The following ACTR8 variants were observed in gnomAD, a reference collection of about 807,000 sequenced individuals.
ACTR8 encodes the protein actin related protein 8.
A neutral mutation model predicts 84.3 loss-of-function variants in ACTR8; 70 were observed. The observed-to-expected ratio is 0.83, with a 90% CI of 0.68 to 1.01. ACTR8 has a LOEUF of 1.01. ACTR8 is among the 50% of genes least tolerant of loss of function. The pLI, the probability that ACTR8 is intolerant of heterozygous loss-of-function variation, is 0.00. For missense variants in ACTR8, 672 were observed against 775.4 expected, an observed-to-expected ratio of 0.87 and a Z score of 1.58; for synonymous variants, 268 against 275.2, an observed-to-expected ratio of 0.97 and a Z score of 0.26.
downstream of ACTR8, chr3:53,865,215 C>T (rs1699743374): frequency 6.2e-7 from 1 of 1,613,934 alleles, no homozygotes; most frequent in African/African-American, 1.3e-5. Flanking sequence ...TGAAGGATGC[C>T]ACTGCTTTCT....
In ACTR8 at chr3:53,872,453, T is replaced by C. The variant is rs765203812; in HGVS notation, c.1233A>G (p.Arg411=). Residue 411 remains arginine (R), a synonymous_variant, in exon 10 of 13, where the codon AGA becomes AGG. Transcript: ENST00000335754. ...GAGGATCCTCAGGATCGCCCTGAGA[T>C]CTGTGCTGCAAAGTCGTCATTTTCT... The part of the protein sequence containing the change: ...VGQKMTTLQH[R]SQGDPEDPHD... 1.2e-6 allele frequency: 2 copies of C among 1,611,800 alleles called. No homozygotes were observed. The highest frequency in any genetic ancestry group is 1.7e-6 in the Non-Finnish European group (2 of 1,179,208).
chr3:53,864,814 C>T, downstream of ACTR8: 1 of 1,614,052 alleles, frequency 6.2e-7, no homozygotes, highest in Non-Finnish European at 8.5e-7. Flanking sequence ...TGTGGTTTAC[C>T]CATCTGAAAT....
At chr3:53,881,739 TGCGGGAGATC>T in intron 1 of ACTR8, 1 of 615,158 alleles carries the variant, frequency 1.6e-6, no homozygotes, top group South Asian at 2.0e-5. Context: ...CGGTGGGGCG[TGCGGGAGATC>T]GGAGCGGTGT....
the ACTR8 span, chr3:53,861,628 G>A: frequency 6.6e-6 from 1 of 152,196 alleles, no homozygotes; most frequent in African/African-American, 2.4e-5. Context: ...AAAGGAAGGT[G>A]AAGCATCTAA....
At chr3:53,881,441 T>C (rs1700058073) in intron 1 of ACTR8, among the ~76,000 whole-genome samples, 1 of 152,224 alleles carries the variant, frequency 6.6e-6, no homozygotes, top group African/African-American at 2.4e-5. Context: ...TTGTTTTTGA[T>C]ACACAAGCTC....
Position 53,867,362 on chromosome 3 carries a change from A to G in ACTR8, c.*1357T>C, listed in dbSNP as rs1055656762. 1.3e-5 allele frequency: 2 copies of G among 152,220 alleles called. No homozygotes were observed. Among genetic ancestry groups the G allele is most frequent in the Admixed American group, 1.3e-4 (2 of 15,284 alleles). The allele number at this position is 152,220 out of a possible 1,614,324, so 9.4% of individuals were successfully genotyped here. ...TGTTAACAAATTTAAAAAATAAAAC[A>G]TACAATTTTCAAATTGAAGGCACAC... On this transcript the variant is annotated 3_prime_UTR_variant, in exon 13 of 13. Transcript: ENST00000335754.
At chr3:53,879,904 C>T in intron 2 of ACTR8, 35 bp downstream of exon 2, 1 of 1,582,270 alleles carries the variant, frequency 6.3e-7, no homozygotes, top group Non-Finnish European at 8.6e-7. Context: ...AGGGAAACAA[C>T]CTTAGGCTTT....
At chr3:53,881,893 C>G in intron 1 of ACTR8, 86 bp downstream of exon 1, 1 of 1,539,022 alleles carries the variant, frequency 6.5e-7, no homozygotes, top group Non-Finnish European at 8.8e-7. Flanking sequence ...AAGGGGGACT[C>G]GAAGCCTCCC....
chr3:53,860,981 A>G, the ACTR8 span: 20 of 152,246 alleles, frequency 1.3e-4, no homozygotes, highest in Non-Finnish European at 7.3e-5. Flanking sequence ...TCATAACTGC[A>G]TACAATTAAT....
rs531518886 is a variant in ACTR8 at position 53,880,156 on chromosome 3, G to T, written c.124-47C>A. 45 of 1,561,156 alleles carry T rather than the reference G, an allele frequency of 2.9e-5. 1 individual carries two copies. In the South Asian group the frequency reaches 4.2e-4, roughly 15 times the overall value. On this transcript the variant is annotated intron_variant, in intron 1 of 12. Transcript: ENST00000335754. ...GTGTGACTTTGTAAATAATATGCAGGTAACAAAGTTAAACAACATACACAT... is the reference window on the plus strand; with the variant it reads ...GTGTGACTTTGTAAATAATATGCAGTTAACAAAGTTAAACAACATACACAT...
the ACTR8 span, chr3:53,860,158 TCTC>T: frequency 6.2e-7 from 1 of 1,613,954 alleles, no homozygotes; most frequent in Non-Finnish European, 8.5e-7. Context: ...GCTGGCTGCC[TCTC>T]CTCCTGCTGT....
chr3:53,863,919 C>T (rs2107033262), downstream of ACTR8, among the ~76,000 whole-genome samples: 1 of 151,046 alleles, frequency 6.6e-6, no homozygotes, highest in East Asian at 2.0e-4. Flanking sequence ...GCCTCCTGAG[C>T]TCAAGTGAAC....
chr3:53,863,805 T>TCA (rs35400031), downstream of ACTR8, among the ~76,000 whole-genome samples: 5,614 of 145,526 alleles, frequency 0.039, 143 homozygotes, highest in South Asian at 0.074. Context: ...GAGGTTACAA[T>TCA]CACACACCTC....
chr3:53,861,139 T>A, the ACTR8 span: 2 of 152,180 alleles, frequency 1.3e-5, no homozygotes, highest in Admixed American at 1.3e-4. Flanking sequence ...GTAAATTACA[T>A]ATCACAGTAA....
In ACTR8 at chr3:53,880,361, T is replaced by C. The variant is rs547393496; in HGVS notation, c.124-252A>G. On this transcript the variant is annotated intron_variant, in intron 1 of 12. Coordinates refer to ENST00000335754, the MANE Select transcript of ACTR8 (RefSeq NM_022899.5). ...GTTTAAATAAATGAAACAAAAATTG[T>C]CCACTACAAATTAACATACAGTTAT... Among the ~76,000 whole-genome samples, 4 of 152,324 alleles carry C rather than the reference T, an allele frequency of 2.6e-5. No individual in the cohort carries two copies. The East Asian group carries it at 5.8e-4, about 22-fold the overall frequency.
intron 5 of ACTR8, 83 bp from the exon 6 acceptor site, chr3:53,876,796 T>G: frequency 1.5e-6 from 1 of 668,892 alleles, no homozygotes; most frequent in Non-Finnish European, 2.5e-6. Flanking sequence ...GAGACTTCCC[T>G]CCAAAGGAGT....
intron 7 of ACTR8, among the ~76,000 whole-genome samples, chr3:53,875,635 A>G (rs1307230456): frequency 6.6e-6 from 1 of 152,254 alleles, no homozygotes; most frequent in Non-Finnish European, 1.5e-5. Context: ...TAGTAGCTCT[A>G]TGCCAAACCA....
Position 53,874,357 on chromosome 3 carries a change from G to T in ACTR8, c.919C>A (p.Leu307Met). The T allele has an allele frequency of 6.2e-7, 1 of 1,612,780 alleles. No individual in the cohort carries two copies. Among genetic ancestry groups the T allele is most frequent in the Non-Finnish European group, 8.5e-7 (1 of 1,179,600 alleles). The change falls in exon 8 of 13, where the codon CTG becomes ATG. Residue 307 changes from leucine to methionine, a missense_variant. Transcript: ENST00000335754. ...GACACATCAGATCCTCCGTATGCCA[G>T]ACAAAGCCTAAAGTTAAGAGAAAAG... Reference protein sequence around the residue: ...GVSHRNTRLCLAYGGSDVSRC... With the variant: ...GVSHRNTRLCMAYGGSDVSRC...
the ACTR8 span, chr3:53,860,250 A>G: frequency 6.4e-7 from 1 of 1,561,008 alleles, no homozygotes; most frequent in Non-Finnish European, 8.8e-7. Flanking sequence ...AATTCTTTAA[A>G]GACATCCTAG....
Sources: gnomAD v4.1 joint callset for allele counts (sites outside exome capture counted in the v4.1 genomes callset) on GRCh38, gnomAD v4.1.1 for gene constraint, MANE v1.5 for transcripts, NCBI Gene and HGNC (gene_info 2026-07-23, HGNC 2026-07-21) for gene names.